Variants in ABCC6 observed in about 807,000 individuals in gnomAD.
The protein encoded by ABCC6 is ATP-binding cassette sub-family C member 6.
A neutral mutation model predicts 169.5 loss-of-function variants in ABCC6; 126 were observed. The ratio of observed to expected loss-of-function variants is 0.74; its 90% CI spans 0.64 to 0.86. The LOEUF is 0.86. Among genes scored for constraint, ABCC6 ranks in the 40% least tolerant of loss-of-function variants. ABCC6 has a pLI of 0.00. For missense variants in ABCC6, 1,733 were observed against 1,927.2 expected (o/e 0.90, Z 1.89); for synonymous variants, 752 against 814.7 (o/e 0.92, Z 1.31).
In ABCC6 at chr16:16,221,787, C is replaced by T; in HGVS notation, c.81G>A (p.Leu27=). ...TEPEPAATSL[L]SLCFLRTAGV... The stretch of plus-strand genomic sequence containing the variant: ...CTGCTGTTCTCAGGAAGCACAGGCT[C>T]AGCAGGCTGGTGGCGGCAGGTTCAG... The change falls in exon 2 of 31, where the codon CTG becomes CTA. Residue 27 remains leucine (L), a synonymous_variant. Transcript: ENST00000205557. The T allele has an allele frequency of 2.5e-6, 4 of 1,613,710 alleles. No individual in the cohort carries two copies. Among genetic ancestry groups the T allele is most frequent in the Non-Finnish European group, 1.7e-6 (2 of 1,179,700 alleles).
chr16:16,191,277 G>A (rs577299406), intron 11 of ABCC6, among the ~76,000 whole-genome samples: 96 of 152,168 alleles, frequency 6.3e-4, no homozygotes, highest in Non-Finnish European at 1.2e-3. Context: ...CACCACGCCC[G>A]GCTAAATTTT....
chr16:16,160,238 T>C (rs1027445730), intron 25 of ABCC6, among the ~76,000 whole-genome samples: 2 of 152,178 alleles, frequency 1.3e-5, no homozygotes, highest in African/African-American at 4.8e-5. Context: ...CCACCCAACA[T>C]GCTCCAGCCT....
At chr16:16,178,651 G>A (rs2283508) in intron 18 of ABCC6, 147 bp downstream of exon 18, 431,725 of 916,704 alleles carry the variant, frequency 0.47, 106,362 homozygotes, top group Non-Finnish European at 0.53. Flanking sequence ...TTGTTACATA[G>A]CATTGTCACA....
chr16:16,171,594 GTGGATGAA>G (rs1202741921), intron 21 of ABCC6, among the ~76,000 whole-genome samples: 6 of 152,190 alleles, frequency 3.9e-5, no homozygotes, highest in African/African-American at 1.4e-4. Context: ...GTGTGAATGA[GTGGATGAA>G]TGGATGGAAA....
intron 9 of ABCC6, 52 bp from the exon 10 acceptor site, chr16:16,198,234 G>A (rs781655034): frequency 6.5e-7 from 1 of 1,542,770 alleles, no homozygotes; most frequent in Non-Finnish European, 8.8e-7. Flanking sequence ...GGGGCAGAGG[G>A]ATGCCCCAGG....
Position 16,219,670 on chromosome 16 carries a change from A to G in ABCC6, c.358T>C (p.Phe120Leu), listed in dbSNP as rs1166899687. Residue 120 changes from phenylalanine (F) to leucine (L), a missense_variant, in exon 4 of 31, where the codon TTC becomes CTC. Physicochemically the swap from Phe to Leu is conservative, Grantham distance 22. This residue lies in a region of ABCC6 where 17 missense variants were observed against 108.1 expected (regional missense o/e 0.16). Transcript: ENST00000205557. ...TTTTTCCTCTCGGTGTGAATCAGGA[A>G]CACTGCGAAGCTCTGGACGGGAAAG... Reference protein sequence around the residue: ...VWLTTMSFAVFLIHTERKKGV... With the variant: ...VWLTTMSFAVLLIHTERKKGV... 1.3e-6 allele frequency: 2 copies of G among 1,492,818 alleles called. No individual in the cohort carries two copies. The highest frequency in any genetic ancestry group is 1.8e-6 in the Non-Finnish European group (2 of 1,104,308). 92.5% of individuals were successfully genotyped at this position (1,492,818 alleles called of 1,614,324 possible). A position where few individuals can be genotyped will look rare whatever the true frequency, so the allele number is the denominator to read the frequency against.
In ABCC6 at chr16:16,192,929, A is replaced by T; in HGVS notation, c.1339-7T>A. On this transcript the variant is annotated splice_region_variant and splice_polypyrimidine_tract_variant and intron_variant, in intron 10 of 30. Transcript: ENST00000205557. ...GGGCGGAGGGCCCCAGGAGCTGGGG[A>T]TAGAAGGGGCAGGATGTCAGGAGAT... 6.2e-7 allele frequency: 1 copy of T among 1,613,048 alleles called. No individual in the cohort carries two copies. The highest frequency in any genetic ancestry group is 8.5e-7 in the Non-Finnish European group (1 of 1,179,146).
chr16:16,159,508 G>A lies in ABCC6; in HGVS notation c.3709C>T (p.Gln1237Ter), dbSNP rs72653746. The A allele has an allele frequency of 1.4e-5, 23 of 1,613,832 alleles. No individual in the cohort carries two copies. The highest frequency in any genetic ancestry group is 1.9e-5 in the Non-Finnish European group (23 of 1,180,000). Residue 1237 changes from glutamine to a stop codon, truncating the protein, a stop_gained, in exon 26 of 31, where the codon CAG becomes TAG. Coordinates refer to ENST00000205557, the MANE Select transcript of ABCC6 (RefSeq NM_001171.6). LOFTEE classifies it high-confidence loss of function. ...ENSIVSVERM[Q>*]DYAWTPKEAP... ...TCCTTGGGCGTCCAGGCATAGTCCT[G>A]CATCCGCTCCACTGACACGATGCTG...
In ABCC6 at chr16:16,159,520, C is replaced by T; in HGVS notation, c.3697G>A (p.Val1233Met). 6.2e-7 allele frequency: 1 copy of T among 1,614,186 alleles called. No homozygotes were observed. The highest frequency in any genetic ancestry group is 1.3e-5 in the African/African-American group (1 of 75,042). The change falls in exon 26 of 31, where the codon GTG (valine) becomes ATG (methionine). Residue 1233 changes from valine to methionine, a missense_variant. Transcript: ENST00000205557. Reference sequence around the variant, plus strand: ...CAGGCATAGTCCTGCATCCGCTCCACTGACACGATGCTGTTCTCTAGGTCT... The same window carrying T: ...CAGGCATAGTCCTGCATCCGCTCCATTGACACGATGCTGTTCTCTAGGTCT... ...WTDLENSIVS[V>M]ERMQDYAWTP... is the part of the protein sequence containing the mutation.
At chr16:16,159,730 C>A in intron 25 of ABCC6, 147 bp from the exon 26 acceptor site, 2 of 724,124 alleles carry the variant, frequency 2.8e-6, no homozygotes, top group Non-Finnish European at 4.9e-6. Flanking sequence ...AGGACCTGGG[C>A]CCAGGGGATT....
At chr16:16,198,956 T>G (rs1488079835) in intron 9 of ABCC6, among the ~76,000 whole-genome samples, 1 of 150,322 alleles carries the variant, frequency 6.7e-6, no homozygotes, top group Non-Finnish European at 1.5e-5. Flanking sequence ...ATCAAGCCAT[T>G]GCATTCCAGT....
At chr16:16,207,480 C>T (rs2048429838) in intron 7 of ABCC6, among the ~76,000 whole-genome samples, 1 of 152,118 alleles carries the variant, frequency 6.6e-6, no homozygotes, top group African/African-American at 2.4e-5. Context: ...AGAATCCTGA[C>T]ATCATTTGAG....
Position 16,178,051 on chromosome 16 carries a change from C to T in ABCC6, c.2416-425G>A, listed in dbSNP as rs1026577941. On this transcript the variant is annotated intron_variant, in intron 18 of 30. Transcript: ENST00000205557. Reference sequence around the variant, plus strand: ...AAGAAAAAAAAAATGTACGGCCGAGCGCAGTGGCTCATGCCTGTAATCCCA... The same window carrying T: ...AAGAAAAAAAAAATGTACGGCCGAGTGCAGTGGCTCATGCCTGTAATCCCA... Among the ~76,000 whole-genome samples, 9 of 148,928 alleles carry T rather than the reference C, an allele frequency of 6.0e-5. No homozygotes were observed. The East Asian group carries it at 1.8e-3, about 30-fold the overall frequency.
In ABCC6 at chr16:16,188,172, C is replaced by T. The variant is rs1377188088; in HGVS notation, c.1779+659G>A. Among the ~76,000 whole-genome samples, 7 of 148,436 alleles carry T rather than the reference C, an allele frequency of 4.7e-5. No individual in the cohort carries two copies. In the South Asian group the frequency reaches 1.1e-3, roughly 22 times the overall value. On this transcript the variant is annotated intron_variant, in intron 13 of 30. Coordinates refer to ENST00000205557, the MANE Select transcript of ABCC6 (RefSeq NM_001171.6). Reference sequence around the variant, plus strand: ...AGGTGGGCAGATCACCTGAGGTCAGCGGTTCAAGACCTGCCTGGCCAACAT... The same window carrying T: ...AGGTGGGCAGATCACCTGAGGTCAGTGGTTCAAGACCTGCCTGGCCAACAT...
rs1210807048 is a variant in ABCC6 at position 16,153,515 on chromosome 16, T to G, written c.4208+1113A>C. Among the ~76,000 whole-genome samples the G allele has an allele frequency of 3.3e-4, 50 of 152,114 alleles. 1 individual carries two copies. The highest frequency in any genetic ancestry group is 3.3e-3 in the Admixed American group (50 of 15,274). On this transcript the variant is annotated intron_variant, in intron 29 of 30. Transcript: ENST00000205557. ...ACTCAGAGAGACAGGAGAATGCTGG[T>G]GGCTGGGCGCTGGGGGAGGGGACAA...
rs748103958 is a variant in ABCC6 at position 16,154,710 on chromosome 16, C to A, written c.4126G>T (p.Glu1376Ter). The A allele has an allele frequency of 6.2e-7, 1 of 1,613,624 alleles. No homozygotes were observed. Among genetic ancestry groups the A allele is most frequent in the Admixed American group, 1.7e-5 (1 of 59,982 alleles). ...ACCAAGGCTTTGAGCTGCACCGTCT[C>A]CAGGGCTGCCCAGATAGCCTCGTCC... The part of the protein sequence containing the change: ...HSDEAIWAAL[E>*]TVQLKALVAS... The change falls in exon 29 of 31, where the codon GAG becomes TAG. Residue 1376 changes from glutamate to a stop codon, truncating the protein, a stop_gained. Coordinates refer to ENST00000205557, the MANE Select transcript of ABCC6 (RefSeq NM_001171.6). LOFTEE classifies it high-confidence loss of function.
At chr16:16,196,012 C>A (rs1366647138) in intron 10 of ABCC6, among the ~76,000 whole-genome samples, 2 of 152,024 alleles carry the variant, frequency 1.3e-5, no homozygotes, top group African/African-American at 4.8e-5. Context: ...GAGTTCAGGA[C>A]CAGCCCAGCC....
intron 10 of ABCC6, among the ~76,000 whole-genome samples, chr16:16,195,650 T>C (rs767861136): frequency 2.0e-5 from 3 of 152,074 alleles, no homozygotes; most frequent in Non-Finnish European, 2.9e-5. Flanking sequence ...GGGGTCAACC[T>C]GATCAATTGC....
In ABCC6 at chr16:16,203,471, G is replaced by C; in HGVS notation, c.937C>G (p.Leu313Val). The change falls in exon 8 of 31, where the codon CTG (leucine) becomes GTG (valine). Residue 313 changes from leucine to valine, a missense_variant. Transcript: ENST00000205557. ...CTGATGATGAGGCTGAGGGTCCCCA[G>C]GAGGAAGGTAGAATGGAACACCTGC... ...IWQVFHSTFLLGTLSLIISDV... is the reference protein window; with the variant it reads ...IWQVFHSTFLVGTLSLIISDV... 1.9e-6 allele frequency: 3 copies of C among 1,614,012 alleles called. No homozygotes were observed. In the African/African-American group the frequency reaches 4.0e-5, roughly 22 times the overall value.
Sources: gnomAD v4.1 joint callset for allele counts (sites outside exome capture counted in the v4.1 genomes callset) on GRCh38, gnomAD v4.1.1 for gene constraint, gnomAD v4.1.1 regional missense constraint, MANE v1.5 for transcripts, NCBI Gene and HGNC (gene_info 2026-07-23, HGNC 2026-07-21) for gene names.